Variants in CRYBG2 observed in about 807,000 individuals in gnomAD.
The protein encoded by CRYBG2 is beta/gamma crystallin domain-containing protein 2.
Under a neutral mutation model 153.4 loss-of-function variants are expected in CRYBG2, and 106 were observed. The ratio of observed to expected loss-of-function variants is 0.69; its 90% CI spans 0.59 to 0.81. The LOEUF (loss-of-function observed/expected upper bound fraction) is 0.81, where lower values mean the gene tolerates loss of function less well. Among genes scored for constraint, CRYBG2 ranks in the 30% least tolerant of loss-of-function variants. The probability of loss-of-function intolerance (pLI) is 0.00; values close to 1 mark genes in which losing one functional copy is unlikely to be tolerated. For synonymous variants in CRYBG2, 851 were observed against 877.8 expected, an observed-to-expected ratio of 0.97 and a Z score of 0.54; for missense variants, 1,996 against 2,112.0, an observed-to-expected ratio of 0.95 and a Z score of 1.08.
chr1:26,337,447 G>C, intron 9 of CRYBG2, 68 bp from the exon 10 acceptor site: 1 of 1,601,096 alleles, frequency 6.2e-7, no homozygotes, highest in South Asian at 1.1e-5. Flanking sequence ...TGAGACAGCT[G>C]TCCCCACCCC....
At position 26,336,639 on chromosome 1, in the gene CRYBG2, G is replaced by T; in HGVS notation, c.4005C>A (p.Asn1335Lys). The change falls in exon 12 of 20, where the codon AAC (asparagine) becomes AAA (lysine). Residue 1335 changes from asparagine (N) to lysine (K), a missense_variant. Transcript: ENST00000308182. The surrounding 1 kb of genome is among the most constrained non-coding windows in gnomAD (Gnocchi z 4.9). ...CCGGCTGCAGCGAGGCGAGGGTGCT[G>T]TTGCCAGCGCCCCAGTCCTCGCAGT... ...YRNCEDWGAG[N>K]STLASLQPVL... 1 of 1,550,688 alleles carries T rather than the reference G, an allele frequency of 6.4e-7. No individual in the cohort carries two copies. Among genetic ancestry groups the T allele is most frequent in the South Asian group, 1.2e-5 (1 of 84,122 alleles).
intron 17 of CRYBG2, among the ~76,000 whole-genome samples, chr1:26,324,613 G>A (rs559719652): frequency 6.6e-5 from 10 of 151,950 alleles, no homozygotes; most frequent in African/African-American, 2.4e-4. Context: ...ACACATGATG[G>A]CACAGAAGTT....
At position 26,339,449 on chromosome 1, in the gene CRYBG2, A is replaced by T; in HGVS notation, c.3205-20T>A. Reference sequence around the variant, plus strand: ...GTAGTCCTGTGGAAGGAGGGGGAAAATTAAATATAGATAAACAGCCAGGCG... The same window carrying T: ...GTAGTCCTGTGGAAGGAGGGGGAAATTTAAATATAGATAAACAGCCAGGCG... On this transcript the variant is annotated intron_variant, in intron 5 of 19. Transcript: ENST00000308182. 1 of 1,613,026 alleles carries T rather than the reference A, an allele frequency of 6.2e-7. No individual in the cohort carries two copies. The highest frequency in any genetic ancestry group is 8.5e-7 in the Non-Finnish European group (1 of 1,179,848).
intron 5 of CRYBG2, among the ~76,000 whole-genome samples, chr1:26,341,182 C>T (rs888859807): frequency 2.0e-5 from 3 of 149,902 alleles, no homozygotes; most frequent in Non-Finnish European, 3.0e-5. Flanking sequence ...GCTAAAAATA[C>T]AAAAAAAAAT....
chr1:26,321,882 G>T lies in CRYBG2; in HGVS notation c.*86C>A. The T allele has an allele frequency of 8.1e-7, 1 of 1,230,274 alleles. No individual in the cohort carries two copies. The highest frequency in any genetic ancestry group is 1.1e-6 in the Non-Finnish European group (1 of 902,634). 76.2% of individuals were successfully genotyped at this position (1,230,274 alleles called of 1,614,324 possible). A position where few individuals can be genotyped will look rare whatever the true frequency, so the allele number is the denominator to read the frequency against. On this transcript the variant is annotated 3_prime_UTR_variant, in exon 20 of 20. Transcript: ENST00000308182. ...GACAAGGGTACCTGGCAGCATATTA[G>T]AAAATAGCTTATGTTACAACAAAAA...
intron 5 of CRYBG2, among the ~76,000 whole-genome samples, chr1:26,342,013 AGAG>A (rs2074137096): frequency 6.6e-6 from 1 of 152,192 alleles, no homozygotes; most frequent in East Asian, 1.9e-4. Flanking sequence ...TGAAGGGCAA[AGAG>A]GAGATCTCCC....
chr1:26,336,549 A>T lies in CRYBG2; in HGVS notation c.4038+57T>A. ...CTACCTCTGCGTGGGGGCGGGGCGC[A>T]CCCGAACTCCAGGTCCCGCCACCGG... is the stretch of plus-strand genomic sequence containing the variant. On this transcript the variant is annotated intron_variant, in intron 12 of 19. Coordinates refer to ENST00000308182, the MANE Select transcript of CRYBG2 (RefSeq NM_001039775.4). The surrounding 1 kb of genome is among the most constrained non-coding windows in gnomAD (Gnocchi z 4.9). 7.2e-6 allele frequency: 11 copies of T among 1,537,818 alleles called. No homozygotes were observed. The highest frequency in any genetic ancestry group is 8.8e-6 in the Non-Finnish European group (10 of 1,141,374).
intron 6 of CRYBG2, among the ~76,000 whole-genome samples, chr1:26,338,820 C>T (rs1028176108): frequency 6.6e-6 from 1 of 152,196 alleles, no homozygotes; most frequent in Non-Finnish European, 1.5e-5. Context: ...CCACTTGTTG[C>T]TTATGCTGGC....
rs777893793 is a variant in CRYBG2, at chr1:26,346,214, A to G, written c.444T>C (p.Pro148=). Residue 148 remains proline (P), a synonymous_variant, in exon 2 of 20, where the codon CCT becomes CCC. Coordinates refer to ENST00000308182, the MANE Select transcript of CRYBG2 (RefSeq NM_001039775.4). This position sits in a 1 kb window ranked among gnomAD's most constrained non-coding sequence, Gnocchi z 4.9. ...MARTELLVPL[P]GPREPSPHPG... ...GGTGGGGACTTGGCTCTCGGGGCCC[A>G]GGCAGGGGAACCAAAAGCTCAGTCC... 1.3e-6 allele frequency: 2 copies of G among 1,573,316 alleles called. No individual in the cohort carries two copies. The highest frequency in any genetic ancestry group is 2.2e-5 in the East Asian group (1 of 44,604).
chr1:26,348,621 T>C (rs541297248), intron 1 of CRYBG2, among the ~76,000 whole-genome samples: 1 of 152,130 alleles, frequency 6.6e-6, no homozygotes, highest in Non-Finnish European at 1.5e-5. Context: ...AGTGGCACGA[T>C]CTCAGCCTAC....
chr1:26,329,015 T>G, intron 15 of CRYBG2, 142 bp from the exon 16 acceptor site: 1 of 1,039,550 alleles, frequency 9.6e-7, no homozygotes. Flanking sequence ...GGCCACTGAT[T>G]CTTGGACGCT....
rs773173798 is a variant in CRYBG2, at chr1:26,336,872, T to G, written c.3880A>C (p.Ser1294Arg). 1.1e-5 allele frequency: 18 copies of G among 1,607,170 alleles called. No individual in the cohort carries two copies. In the Admixed American group the frequency reaches 2.9e-4, roughly 26 times the overall value. The part of the protein sequence containing the change: ...PDVELVQHGP[S>R]TQAIHVLSGV... ...CTGAGCACGTGGATGGCCTGTGTGC[T>G]GGGGCCGTGTTGCACCAGCTCCACA... Residue 1294 changes from serine to arginine, a missense_variant, in exon 11 of 20, where the codon AGC (serine) becomes CGC (arginine). Ser to Arg is a moderately radical substitution (Grantham distance 110, BLOSUM62 -1). Transcript: ENST00000308182. The surrounding 1 kb of genome is among the most constrained non-coding windows in gnomAD (Gnocchi z 4.9).
chr1:26,335,441 C>A (rs548830440), intron 14 of CRYBG2, among the ~76,000 whole-genome samples: 1 of 152,018 alleles, frequency 6.6e-6, no homozygotes, highest in African/African-American at 2.4e-5. Flanking sequence ...CGCGCCACTG[C>A]ACTCCAGCCT....
chr1:26,343,202 C>T lies in CRYBG2; in HGVS notation c.2962-43G>A, dbSNP rs983204257. The T allele has an allele frequency of 1.9e-6, 3 of 1,550,662 alleles. No individual in the cohort carries two copies. The highest frequency in any genetic ancestry group is 2.6e-6 in the Non-Finnish European group (3 of 1,147,008). On this transcript the variant is annotated intron_variant, in intron 3 of 19. Coordinates refer to ENST00000308182, the MANE Select transcript of CRYBG2 (RefSeq NM_001039775.4). The surrounding 1 kb of genome is among the most constrained non-coding windows in gnomAD (Gnocchi z 4.1). ...GGGTCCTCAGGCCCTGACCCCAGGC[C>T]CCTGCATCCTGCTGCCCCCACCCAC...
Position 26,345,201 on chromosome 1 carries a change from G to T in CRYBG2, c.1457C>A (p.Ala486Asp). 7 of 1,448,540 alleles carry T rather than the reference G, an allele frequency of 4.8e-6. No individual in the cohort carries two copies. Among genetic ancestry groups the T allele is most frequent in the Non-Finnish European group, 6.5e-6 (7 of 1,072,000 alleles). 89.7% of individuals were successfully genotyped at this position (1,448,540 alleles called of 1,614,324 possible). Reference sequence around the variant, plus strand: ...CCAGGTGGGGGACGAGGCAGCAGAAGCACTGGACCCCTGCACCACCTCCTT... The same window carrying T: ...CCAGGTGGGGGACGAGGCAGCAGAATCACTGGACCCCTGCACCACCTCCTT... Reference protein sequence around the residue: ...TRKEVVQGSSASAASSPTWKE... With the variant: ...TRKEVVQGSSDSAASSPTWKE... The change falls in exon 2 of 20, where the codon GCT (alanine) becomes GAT (aspartate). Residue 486 changes from alanine to aspartate, a missense_variant. Ala to Asp is a moderately radical substitution (Grantham distance 126). Transcript: ENST00000308182.
chr1:26,331,213 C>G (rs1025635593), intron 15 of CRYBG2, among the ~76,000 whole-genome samples: 4 of 152,232 alleles, frequency 2.6e-5, no homozygotes, highest in African/African-American at 9.6e-5. Context: ...GGATGCACCA[C>G]TCTGCATGTA....
chr1:26,345,458 AG>A lies in CRYBG2; in HGVS notation c.1199del (p.Pro400LeufsTer9). 4 of 1,598,768 alleles carry A rather than the reference AG, an allele frequency of 2.5e-6. No homozygotes were observed. The highest frequency in any genetic ancestry group is 1.1e-5 in the South Asian group (1 of 89,036). ...PKKKDGPVDP[P>X]AATVLPMVRS... ...TCACCATGGGCAGGACGGTGGCAGC[AG>A]GGGGGTCCACGGGCCCGTCCTTTTT... On this transcript the variant is annotated frameshift_variant, in exon 2 of 20. Coordinates refer to ENST00000308182, the MANE Select transcript of CRYBG2 (RefSeq NM_001039775.4). LOFTEE classifies it high-confidence loss of function.
At chr1:26,349,191 A>G (rs963355886) in intron 1 of CRYBG2, among the ~76,000 whole-genome samples, 2 of 152,004 alleles carry the variant, frequency 1.3e-5, no homozygotes, top group African/African-American at 4.8e-5. Flanking sequence ...TTAAAAAAAA[A>G]GTAAATAAAT....
At chr1:26,338,299 A>G in intron 7 of CRYBG2, 52 bp downstream of exon 7, 1 of 1,538,420 alleles carries the variant, frequency 6.5e-7, no homozygotes, top group Non-Finnish European at 8.7e-7. Flanking sequence ...GCTACTTGGG[A>G]CCAGGGGCAG....
Sources: allele counts gnomAD v4.1 joint callset (sites outside exome capture counted in the v4.1 genomes callset), GRCh38; gene constraint gnomAD v4.1.1; non-coding constraint Gnocchi (gnomAD v3.1); transcripts MANE v1.5; gene names NCBI Gene and HGNC (gene_info 2026-07-23, HGNC 2026-07-21).